GCNT2: variants seen among roughly 807,000 people sequenced by gnomAD.
GCNT2 encodes the protein glucosaminyl (N-acetyl) transferase 2 (I blood group).
A neutral mutation model predicts 34.2 loss-of-function variants in GCNT2; 34 were observed. The ratio of observed to expected loss-of-function variants is 1.00; its 90% CI spans 0.76 to 1.32. The LOEUF (loss-of-function observed/expected upper bound fraction) is 1.32. Among genes scored for constraint, GCNT2 ranks in the 40% most tolerant of loss-of-function variants. The pLI, the probability that GCNT2 is intolerant of heterozygous loss-of-function variation, is 0.00. For missense variants in GCNT2, 584 were observed against 489.4 expected, an observed-to-expected ratio of 1.19 and a Z score of -1.82; for synonymous variants, 212 against 188.0, an observed-to-expected ratio of 1.13 and a Z score of -1.04.
At chr6:10,564,069 T>C (rs1469974629) in intron 3 of GCNT2, among the ~76,000 whole-genome samples, 1 of 152,062 alleles carries the variant, frequency 6.6e-6, no homozygotes, top group Non-Finnish European at 1.5e-5. Context: ...ATTCAGCCCA[T>C]TTTCCTGGAG....
chr6:10,566,788 C>A (rs932625095), intron 3 of GCNT2, among the ~76,000 whole-genome samples: 1 of 152,198 alleles, frequency 6.6e-6, no homozygotes. Context: ...CACACATGTA[C>A]GCTTGTGCAC....
intron 3 of GCNT2, among the ~76,000 whole-genome samples, chr6:10,555,262 A>G (rs1004011954): frequency 3.3e-5 from 5 of 152,196 alleles, no homozygotes; most frequent in African/African-American, 1.2e-4. Context: ...GCATTAATCT[A>G]CATTTCATTA....
chr6:10,569,275 C>CACACACACACACACACACACACA (rs1491437125), intron 3 of GCNT2, among the ~76,000 whole-genome samples: 4,799 of 100,722 alleles, frequency 0.048, 634 homozygotes, highest in East Asian at 0.064. Flanking sequence ...ACACACACAC[C>CACACACACACACACACACACACA]CCCTAGGTAA....
chr6:10,559,225 T>G (rs1762859861), intron 3 of GCNT2, among the ~76,000 whole-genome samples: 1 of 152,216 alleles, frequency 6.6e-6, no homozygotes, highest in Admixed American at 6.5e-5. Flanking sequence ...CCTTACCCCT[T>G]TCTGATCTCT....
At chr6:10,597,530 C>A (rs1764909396) in intron 3 of GCNT2, among the ~76,000 whole-genome samples, 1 of 152,020 alleles carries the variant, frequency 6.6e-6, no homozygotes, top group Non-Finnish European at 1.5e-5. Context: ...ATAGCAGTGA[C>A]TACGACTTGC....
At chr6:10,618,315 GT>G (rs747367471) in intron 3 of GCNT2, among the ~76,000 whole-genome samples, 12 of 152,330 alleles carry the variant, frequency 7.9e-5, no homozygotes, top group East Asian at 5.8e-4. Flanking sequence ...AAGTATTGAA[GT>G]TGAGGTTTGG....
chr6:10,587,384 C>G (rs956977271), intron 3 of GCNT2, among the ~76,000 whole-genome samples: 2 of 152,160 alleles, frequency 1.3e-5, no homozygotes, highest in Admixed American at 6.6e-5. Flanking sequence ...GAAGCTGCTT[C>G]GGATATTCAC....
intron 3 of GCNT2, chr6:10,586,043 T>G (rs200043261): frequency 1.3e-4 from 212 of 1,614,158 alleles, no homozygotes; most frequent in Non-Finnish European, 1.7e-4. Flanking sequence ...GCGTGGTCAT[T>G]TTTGTGAGAT....
intron 4 of GCNT2, among the ~76,000 whole-genome samples, chr6:10,622,494 T>C (rs73437194): frequency 0.094 from 14,351 of 151,880 alleles, 1,089 homozygotes; most frequent in African/African-American, 0.21. Flanking sequence ...TATTGGATTA[T>C]GGCCCACCCT....
chr6:10,532,162 G>A (rs1761525943), intron 3 of GCNT2, among the ~76,000 whole-genome samples: 1 of 152,048 alleles, frequency 6.6e-6, no homozygotes, highest in Admixed American at 6.6e-5. Context: ...TGGACCGGAT[G>A]GCCTCCGAGT....
chr6:10,624,789 C>T (rs951829246), intron 4 of GCNT2, among the ~76,000 whole-genome samples: 2 of 152,088 alleles, frequency 1.3e-5, no homozygotes, highest in East Asian at 1.9e-4. Flanking sequence ...CAACAAAAGC[C>T]GCCAGCTATG....
chr6:10,626,585 T>C lies in GCNT2; in HGVS notation c.1187T>C (p.Ile396Thr). ...ERTLNQSETA[I>T]QPSWYF ...ACCCTCAATCAGAGTGAAACTGCGA[T>C]ACAACCCAGCTGGTATTTTTGAGCT... is the stretch of plus-strand genomic sequence containing the variant. Residue 396 changes from isoleucine to threonine, a missense_variant, in exon 5 of 5, where the codon ATA (isoleucine) becomes ACA (threonine). Physicochemically the swap from Ile to Thr is moderately conservative, Grantham distance 89 (BLOSUM62 -1). Transcript: ENST00000495262. 1 of 1,613,794 alleles carries C rather than the reference T, an allele frequency of 6.2e-7. No homozygotes were observed.
intron 3 of GCNT2, among the ~76,000 whole-genome samples, chr6:10,550,980 T>TA (rs1762455696): frequency 6.6e-6 from 1 of 152,212 alleles, no homozygotes; most frequent in South Asian, 2.1e-4. Flanking sequence ...GTTTTGGTAA[T>TA]ACAATTAATG....
At chr6:10,599,427 A>T (rs552517631) in intron 3 of GCNT2, among the ~76,000 whole-genome samples, 9 of 152,328 alleles carry the variant, frequency 5.9e-5, no homozygotes, top group African/African-American at 2.2e-4. Context: ...ATGAGGGAGC[A>T]CCTGAACCAG....
chr6:10,545,234 C>G (rs1762220308), intron 3 of GCNT2, among the ~76,000 whole-genome samples: 1 of 151,892 alleles, frequency 6.6e-6, no homozygotes, highest in South Asian at 2.1e-4. Flanking sequence ...CTAGTTGGTG[C>G]CTTTGCTTTT....
At chr6:10,596,148 CT>C (rs891405603) in intron 3 of GCNT2, among the ~76,000 whole-genome samples, 2 of 152,094 alleles carry the variant, frequency 1.3e-5, no homozygotes, top group African/African-American at 4.8e-5. Flanking sequence ...TTTTCTTTTT[CT>C]TTGTTTTTCA....
chr6:10,574,379 A>G (rs1460152399), intron 3 of GCNT2, among the ~76,000 whole-genome samples: 2 of 152,198 alleles, frequency 1.3e-5, no homozygotes, highest in Admixed American at 6.5e-5. Flanking sequence ...TTCATTTTAC[A>G]GAAAAGAAAA....
intron 3 of GCNT2, among the ~76,000 whole-genome samples, chr6:10,575,512 C>A (rs1763767657): frequency 6.6e-6 from 1 of 152,146 alleles, no homozygotes; most frequent in Non-Finnish European, 1.5e-5. Context: ...CAGGTGCCTG[C>A]CACCACGCCC....
intron 3 of GCNT2, among the ~76,000 whole-genome samples, chr6:10,590,559 A>G (rs540613459): frequency 7.0e-6 from 1 of 142,948 alleles, no homozygotes; most frequent in East Asian, 2.1e-4. Context: ...ATTTTCACCT[A>G]TTTTTTTTTT....
Sources: allele counts gnomAD v4.1 joint callset (sites outside exome capture counted in the v4.1 genomes callset), GRCh38; gene constraint gnomAD v4.1.1; transcripts MANE v1.5; gene names NCBI Gene and HGNC (gene_info 2026-07-23, HGNC 2026-07-21).